The following PCCA variants were observed in gnomAD, a reference collection of about 807,000 sequenced individuals.
The protein encoded by PCCA is propionyl-CoA carboxylase alpha chain, mitochondrial.
A neutral mutation model predicts 101.3 loss-of-function variants in PCCA; 74 were observed. That is an observed-to-expected ratio of 0.73 (90% CI 0.61 to 0.89). The LOEUF (loss-of-function observed/expected upper bound fraction) is 0.89, where lower values mean the gene tolerates loss of function less well. Among genes scored for constraint, PCCA ranks in the 40% least tolerant of loss-of-function variants. The probability of loss-of-function intolerance (pLI) is 0.00; values close to 1 mark genes in which losing one functional copy is unlikely to be tolerated. For missense variants in PCCA, 891 were observed against 907.0 expected, an observed-to-expected ratio of 0.98 and a Z score of 0.23; for synonymous variants, 294 against 313.6, an observed-to-expected ratio of 0.94 and a Z score of 0.66.
chr13:100,268,616 T>G (rs1435773564), intron 10 of PCCA, 73 bp from the exon 11 acceptor site: 2 of 1,014,698 alleles, frequency 2.0e-6, no homozygotes, highest in Admixed American at 3.4e-5. Context: ...AGATGTTGCA[T>G]GCGGAAAATA....
chr13:100,428,656 CT>C (rs1810843708), intron 20 of PCCA, among the ~76,000 whole-genome samples: 1 of 152,096 alleles, frequency 6.6e-6, no homozygotes, highest in African/African-American at 2.4e-5. Flanking sequence ...AACTAGAAGC[CT>C]TGTGGAAACT....
chr13:100,440,602 A>G (rs879600265), intron 20 of PCCA, among the ~76,000 whole-genome samples: 4 of 152,062 alleles, frequency 2.6e-5, no homozygotes, highest in Non-Finnish European at 1.5e-5. Context: ...CTTTGCTGGT[A>G]CACAAATGAA....
In PCCA at chr13:100,340,185, C is replaced by A; in HGVS notation, c.1569C>A (p.Asn523Lys). 1 of 1,607,182 alleles carries A rather than the reference C, an allele frequency of 6.2e-7. No homozygotes were observed. ...KGHMLTKSEK[N>K]QLLAIASSLF... ...ACATGCTAACCAAGAGTGAGAAGAA[C>A]CAGTTATTGGCAATAGCATCATCAT... Residue 523 changes from asparagine (N) to lysine (K), a missense_variant, in exon 18 of 24, where the codon AAC (asparagine) becomes AAA (lysine). Asn to Lys is a moderately conservative substitution (Grantham distance 94, BLOSUM62 0). Transcript: ENST00000376285.
At chr13:100,298,182 CA>C (rs2065704795) in intron 12 of PCCA, among the ~76,000 whole-genome samples, 1 of 152,100 alleles carries the variant, frequency 6.6e-6, no homozygotes, top group African/African-American at 2.4e-5. Context: ...GATGGAGTAA[CA>C]ATAAGGGAAT....
intron 19 of PCCA, among the ~76,000 whole-genome samples, chr13:100,420,906 A>C (rs2078700553): frequency 6.6e-6 from 1 of 151,980 alleles, no homozygotes; most frequent in Non-Finnish European, 1.5e-5. Context: ...AGCACACTTC[A>C]CTTGAAAAAA....
At chr13:100,409,668 C>CA (rs1416673240) in intron 19 of PCCA, among the ~76,000 whole-genome samples, 1 of 152,176 alleles carries the variant, frequency 6.6e-6, no homozygotes, top group Admixed American at 6.6e-5. Context: ...TCCCTACCTC[C>CA]AGCAGTGGAG....
At chr13:100,333,228 G>GT (rs1003677568) in intron 17 of PCCA, among the ~76,000 whole-genome samples, 28 of 152,198 alleles carry the variant, frequency 1.8e-4, no homozygotes, top group African/African-American at 6.5e-4. Context: ...ATTTTAAACT[G>GT]TATCGTCTTT....
chr13:100,361,956 C>T (rs1352676702), intron 18 of PCCA, among the ~76,000 whole-genome samples: 2 of 152,156 alleles, frequency 1.3e-5, no homozygotes, highest in South Asian at 2.1e-4. Context: ...AGAATATCTA[C>T]AGTGGCTTTG....
chr13:100,380,536 T>C (rs1221156617), intron 19 of PCCA, among the ~76,000 whole-genome samples: 1 of 152,122 alleles, frequency 6.6e-6, no homozygotes, highest in Admixed American at 6.6e-5. Context: ...CCCAAAAATA[T>C]ATGGTCAATT....
At chr13:100,498,571 G>A (rs769690245) in intron 21 of PCCA, among the ~76,000 whole-genome samples, 1 of 152,042 alleles carries the variant, frequency 6.6e-6, no homozygotes, top group Non-Finnish European at 1.5e-5. Context: ...CGTTCACAAC[G>A]CTGTACAACC....
At chr13:100,106,818 G>A (rs1295699345) in intron 2 of PCCA, among the ~76,000 whole-genome samples, 2 of 152,200 alleles carry the variant, frequency 1.3e-5, no homozygotes, top group Non-Finnish European at 2.9e-5. Context: ...AATCAATTCT[G>A]CTCCCTGCTA....
intron 6 of PCCA, among the ~76,000 whole-genome samples, chr13:100,185,538 G>A (rs1235871857): frequency 6.6e-6 from 1 of 151,964 alleles, no homozygotes; most frequent in African/African-American, 2.4e-5. Flanking sequence ...GCAGAGACAA[G>A]GTCTCACCAT....
At chr13:100,516,172 C>T (rs1490893169) in intron 22 of PCCA, among the ~76,000 whole-genome samples, 1 of 152,180 alleles carries the variant, frequency 6.6e-6, no homozygotes, top group Non-Finnish European at 1.5e-5. Flanking sequence ...TTTCTTAGAA[C>T]ATGGATAGAA....
intron 4 of PCCA, among the ~76,000 whole-genome samples, chr13:100,146,235 C>A (rs549113717): frequency 6.6e-6 from 1 of 151,536 alleles, no homozygotes. Context: ...GCCACCGCAC[C>A]GGCCAGCTTT....
chr13:100,132,223 A>G (rs1412729797), intron 4 of PCCA, among the ~76,000 whole-genome samples: 1 of 126,150 alleles, frequency 7.9e-6, no homozygotes, highest in East Asian at 1.9e-4. Context: ...ATATCAGCAC[A>G]TGTGTAGATT....
intron 21 of PCCA, among the ~76,000 whole-genome samples, chr13:100,450,629 G>C (rs965291694): frequency 6.6e-6 from 1 of 152,098 alleles, no homozygotes. Context: ...TATTTCAGGC[G>C]AGAGAGCTTG....
At chr13:100,151,686 G>A (rs1287536822) in intron 4 of PCCA, among the ~76,000 whole-genome samples, 1 of 151,898 alleles carries the variant, frequency 6.6e-6, no homozygotes, top group African/African-American at 2.4e-5. Flanking sequence ...AATCTCTATT[G>A]GTTTTCTGAG....
intron 6 of PCCA, among the ~76,000 whole-genome samples, chr13:100,198,798 C>T (rs1376198295): frequency 1.3e-5 from 2 of 152,060 alleles, no homozygotes; most frequent in African/African-American, 4.8e-5. Flanking sequence ...CACACCCGGT[C>T]TGCAGTTGCC....
intron 19 of PCCA, among the ~76,000 whole-genome samples, chr13:100,375,447 A>G (rs537255499): frequency 6.6e-6 from 1 of 152,098 alleles, no homozygotes; most frequent in Non-Finnish European, 1.5e-5. Context: ...TCATTGATCT[A>G]ATATTGACAG....
Sources: gnomAD v4.1 joint callset for allele counts (sites outside exome capture counted in the v4.1 genomes callset) on GRCh38, gnomAD v4.1.1 for gene constraint, MANE v1.5 for transcripts, NCBI Gene and HGNC (gene_info 2026-07-23, HGNC 2026-07-21) for gene names.